PLEKHA6: variants seen among roughly 807,000 people sequenced by gnomAD.
The protein encoded by PLEKHA6 is pleckstrin homology domain-containing family A member 6.
PLEKHA6 carries 60 observed loss-of-function variants against 116.7 expected under a neutral mutation model. That is an observed-to-expected ratio of 0.51 (90% CI 0.42 to 0.64). The LOEUF is 0.64. PLEKHA6 is among the 30% of genes least tolerant of loss of function. The pLI is 0.00. For missense variants in PLEKHA6, 1,338 were observed against 1,422.7 expected (o/e 0.94, Z 0.96); for synonymous variants, 489 against 556.1 (o/e 0.88, Z 1.70).
intron 1 of PLEKHA6, among the ~76,000 whole-genome samples, chr1:204,294,495 G>A (rs1156442760): frequency 6.6e-6 from 1 of 152,204 alleles, no homozygotes; most frequent in East Asian, 1.9e-4. Context: ...TGAGAGAACT[G>A]GGATTAGAGC....
At chr1:204,329,387 C>A (rs186937233) in intron 1 of PLEKHA6, among the ~76,000 whole-genome samples, 2 of 152,300 alleles carry the variant, frequency 1.3e-5, no homozygotes, top group East Asian at 3.9e-4. Context: ...GCCTCTACCA[C>A]AACACCTCCC....
intron 2 of PLEKHA6, among the ~76,000 whole-genome samples, chr1:204,370,941 C>G (rs1309719297): frequency 2.0e-5 from 3 of 151,476 alleles, no homozygotes; most frequent in Non-Finnish European, 1.5e-5. Flanking sequence ...GTAATCCCAG[C>G]TATTTGGGAG....
chr1:204,297,232 C>T (rs1670371418), intron 1 of PLEKHA6: 1 of 978,062 alleles, frequency 1.0e-6, no homozygotes, highest in Non-Finnish European at 1.2e-6. Context: ...TAAACACTAC[C>T]TTCTGGTAGG....
intron 1 of PLEKHA6, chr1:204,280,486 C>T (rs112119484): frequency 1.0e-6 from 1 of 983,484 alleles, no homozygotes; most frequent in African/African-American, 1.7e-5. Context: ...TGCTTCATTT[C>T]CATAGCTCCT....
At chr1:204,229,718 T>A (rs1013017000) in intron 18 of PLEKHA6, among the ~76,000 whole-genome samples, 8 of 152,358 alleles carry the variant, frequency 5.3e-5, no homozygotes, top group Non-Finnish European at 8.8e-5. Context: ...CACACCCGGC[T>A]AACTTCCAGT....
chr1:204,265,373 G>A (rs934028835), intron 5 of PLEKHA6, among the ~76,000 whole-genome samples: 4 of 152,196 alleles, frequency 2.6e-5, no homozygotes, highest in Non-Finnish European at 5.9e-5. Context: ...AAGCGTTCAG[G>A]CACTGTTCTA....
intron 9 of PLEKHA6, among the ~76,000 whole-genome samples, chr1:204,255,942 C>T (rs1310176632): frequency 2.6e-5 from 4 of 152,046 alleles, no homozygotes; most frequent in Non-Finnish European, 5.9e-5. Context: ...CCTAGGCCTC[C>T]CTGGGAGAGG....
At chr1:204,362,647 A>G (rs1193571190), upstream of PLEKHA6, among the ~76,000 whole-genome samples, 1 of 152,160 alleles carries the variant, frequency 6.6e-6, no homozygotes, top group African/African-American at 2.4e-5. Flanking sequence ...CCTGGGCTTT[A>G]GCAATCCTCC....
chr1:204,296,569 G>A (rs986912917), intron 1 of PLEKHA6, among the ~76,000 whole-genome samples: 6 of 152,184 alleles, frequency 3.9e-5, no homozygotes, highest in Non-Finnish European at 7.3e-5. Context: ...TGCCAGAAGG[G>A]TGAAACCACA....
chr1:204,251,488 A>C (rs1364054689), intron 9 of PLEKHA6: 1 of 700,016 alleles, frequency 1.4e-6, no homozygotes, highest in South Asian at 1.5e-5. Flanking sequence ...CAAGCAGCTG[A>C]AATGGCATTG....
intron 1 of PLEKHA6, among the ~76,000 whole-genome samples, chr1:204,322,057 G>A (rs1672082283): frequency 6.6e-6 from 1 of 152,240 alleles, no homozygotes; most frequent in Non-Finnish European, 1.5e-5. Flanking sequence ...TGTAGCCACT[G>A]TTATCTATAC....
Position 204,257,586 on chromosome 1 carries a change from G to A in PLEKHA6, c.1291C>T (p.Pro431Ser), listed in dbSNP as rs1003363586. 3 of 1,608,510 alleles carry A rather than the reference G, an allele frequency of 1.9e-6. No individual in the cohort carries two copies. Among genetic ancestry groups the A allele is most frequent in the Non-Finnish European group, 2.5e-6 (3 of 1,177,536 alleles). Residue 431 changes from proline to serine, a missense_variant, in exon 9 of 23, where the codon CCA (proline) becomes TCA (serine). This residue lies in a region of PLEKHA6 where 1,136 missense variants were observed against 1,163.6 expected (regional missense o/e 0.98). Coordinates refer to ENST00000272203, the MANE Select transcript of PLEKHA6 (RefSeq NM_014935.5). The surrounding 1 kb of genome is among the most constrained non-coding windows in gnomAD (Gnocchi z 6.5). ...TVWIPSPSRQ[P>S]VYYDELDAAS... The stretch of plus-strand genomic sequence containing the variant: ...GCATCCAGCTCATCATAATAGACTG[G>A]CTGCCGGGAGGGGCTTGGGATCCAG...
At chr1:204,315,458 G>A (rs972719221) in intron 1 of PLEKHA6, among the ~76,000 whole-genome samples, 1 of 152,144 alleles carries the variant, frequency 6.6e-6, no homozygotes, top group Non-Finnish European at 1.5e-5. Context: ...CTCTGGCAGC[G>A]TCATTCCCCT....
At chr1:204,364,950 T>C (rs1673622191) in intron 3 of PLEKHA6, among the ~76,000 whole-genome samples, 1 of 152,080 alleles carries the variant, frequency 6.6e-6, no homozygotes, top group African/African-American at 2.4e-5. Context: ...ATAACTACCA[T>C]ACACGGACAC....
chr1:204,274,339 CTT>C lies in PLEKHA6; in HGVS notation c.-14+388_-14+389del, dbSNP rs1298489582. On this transcript the variant is annotated intron_variant, in intron 2 of 22. Coordinates refer to ENST00000272203, the MANE Select transcript of PLEKHA6 (RefSeq NM_014935.5). ...CCTATGAGAGTAGATTAATTATCCT[CTT>C]TTCTTTTTTTCTCCTTTCATTTGGT... 3.3e-5 allele frequency among the ~76,000 whole-genome samples: 5 copies of C among 152,296 alleles called. No homozygotes were observed. In the East Asian group the frequency reaches 7.7e-4, roughly 24 times the overall value.
chr1:204,350,497 C>T (rs554687196), intron 1 of PLEKHA6, among the ~76,000 whole-genome samples: 1 of 152,270 alleles, frequency 6.6e-6, no homozygotes, highest in East Asian at 1.9e-4. Flanking sequence ...GGGCTGGGCT[C>T]AGAGCAGGGT....
chr1:204,256,643 C>T (rs1403173306), intron 9 of PLEKHA6, among the ~76,000 whole-genome samples: 2 of 152,152 alleles, frequency 1.3e-5, no homozygotes, highest in African/African-American at 4.8e-5. Flanking sequence ...GGGCTAGAGT[C>T]CTGGCTGGGA....
chr1:204,369,428 G>A (rs1048634017), intron 2 of PLEKHA6: 1 of 152,216 alleles, frequency 6.6e-6, no homozygotes, highest in Admixed American at 6.5e-5. Flanking sequence ...CTCTGTGGGA[G>A]GACGTTGCCA....
rs766173252 is a variant in PLEKHA6, at chr1:204,273,738, G to A, written c.-11C>T. The A allele has an allele frequency of 1.1e-5, 18 of 1,604,368 alleles. No homozygotes were observed. Among genetic ancestry groups the A allele is most frequent in the African/African-American group, 8.0e-5 (6 of 74,822 alleles). The stretch of plus-strand genomic sequence containing the variant: ...TGTTTTATTGGACATGTCCAAGGTC[G>A]ATCTGATTTCAAGTCGACCAGAGAA... On this transcript the variant is annotated splice_region_variant and 5_prime_UTR_variant, in exon 3 of 23. Transcript: ENST00000272203.
Sources: gnomAD v4.1 joint callset for allele counts (sites outside exome capture counted in the v4.1 genomes callset) on GRCh38, gnomAD v4.1.1 for gene constraint, gnomAD v4.1.1 regional missense constraint, Gnocchi (gnomAD v3.1) non-coding constraint, MANE v1.5 for transcripts, NCBI Gene and HGNC (gene_info 2026-07-23, HGNC 2026-07-21) for gene names.